KANSL1: variants seen among roughly 807,000 people sequenced by gnomAD.
KANSL1 encodes the protein KAT8 regulatory NSL complex subunit 1, also known as MLL1/MLL complex subunit KANSL1.
Under a neutral mutation model 103.6 loss-of-function variants are expected in KANSL1, and 22 were observed. The ratio of observed to expected loss-of-function variants is 0.21; its 90% CI spans 0.15 to 0.30. The LOEUF (loss-of-function observed/expected upper bound fraction) is 0.30, where lower values mean the gene tolerates loss of function less well. Among genes scored for constraint, KANSL1 ranks in the 10% least tolerant of loss-of-function variants. The pLI is 1.00. For synonymous variants in KANSL1, 600 were observed against 527.6 expected, an observed-to-expected ratio of 1.14 and a Z score of -1.88; for missense variants, 1,337 against 1,399.8, an observed-to-expected ratio of 0.96 and a Z score of 0.72.
Position 46,067,654 on chromosome 17 carries a change from G to C in KANSL1, c.1547C>G (p.Ser516Cys), listed in dbSNP as rs796052584. 3 of 1,543,860 alleles carry C rather than the reference G, an allele frequency of 1.9e-6. No individual in the cohort carries two copies. The highest frequency in any genetic ancestry group is 2.2e-5 in the East Asian group (1 of 44,548). Reference sequence around the variant, plus strand: ...GGCACCATGGTTTTCCAATGGCTGAGAAACAGACTCAATCTGATTAAGAAA... The same window carrying C: ...GGCACCATGGTTTTCCAATGGCTGACAAACAGACTCAATCTGATTAAGAAA... ...HGTDKLIESV[S>C]QPLENHGAPI... The change falls in exon 5 of 15, where the codon TCT becomes TGT. Residue 516 changes from serine (S) to cysteine (C), a missense_variant. Physicochemically the swap from Ser to Cys is moderately radical, Grantham distance 112. Coordinates refer to ENST00000432791, the MANE Select transcript of KANSL1 (RefSeq NM_015443.4).
At chr17:46,210,495 A>AG (rs1241110555) in intron 1 of KANSL1, among the ~76,000 whole-genome samples, 15 of 68,432 alleles carry the variant, frequency 2.2e-4, no homozygotes, top group Non-Finnish European at 2.8e-4. Flanking sequence ...AAAAAAAAAA[A>AG]AAAAAAAGAC....
At chr17:46,094,403 G>A (rs1416080909) in intron 3 of KANSL1, 157 bp downstream of exon 3, 1 of 914,582 alleles carries the variant, frequency 1.1e-6, no homozygotes, top group Non-Finnish European at 1.6e-6. Context: ...AGCCACATCA[G>A]GTTCTTAAAT....
At chr17:46,140,826 T>C (rs2044382240) in intron 2 of KANSL1, among the ~76,000 whole-genome samples, 1 of 152,172 alleles carries the variant, frequency 6.6e-6, no homozygotes, top group Non-Finnish European at 1.5e-5. Context: ...CACAATGAGA[T>C]ACCACTTCAC....
chr17:46,208,922 G>A (rs1343625391), intron 1 of KANSL1, among the ~76,000 whole-genome samples: 1 of 151,916 alleles, frequency 6.6e-6, no homozygotes, highest in African/African-American at 2.4e-5. Context: ...TGTAATCCCA[G>A]CACTTTGGGA....
intron 2 of KANSL1, among the ~76,000 whole-genome samples, chr17:46,115,558 T>TA (rs1170723351): frequency 4.6e-5 from 7 of 152,188 alleles, no homozygotes; most frequent in African/African-American, 1.7e-4. Flanking sequence ...TAACTTTAGA[T>TA]ATGTATTACA....
chr17:46,068,867 A>G (rs112606247), intron 4 of KANSL1, among the ~76,000 whole-genome samples: 116 of 152,326 alleles, frequency 7.6e-4, no homozygotes, highest in African/African-American at 2.7e-3. Flanking sequence ...CAACAGATGC[A>G]GCTATCCCTC....
intron 1 of KANSL1, among the ~76,000 whole-genome samples, chr17:46,182,926 C>G (rs2046856106): frequency 6.6e-6 from 1 of 152,168 alleles, no homozygotes; most frequent in South Asian, 2.1e-4. Context: ...TCAAAGAACA[C>G]CAACTACCTA....
At chr17:46,055,084 C>G (rs1000052762) in intron 6 of KANSL1, among the ~76,000 whole-genome samples, 1 of 151,768 alleles carries the variant, frequency 6.6e-6, no homozygotes, top group Non-Finnish European at 1.5e-5. Flanking sequence ...CTCCTGACCT[C>G]GTGATCCGCC....
chr17:46,095,206 A>AT (rs2042010088), intron 2 of KANSL1, among the ~76,000 whole-genome samples: 1 of 152,274 alleles, frequency 6.6e-6, no homozygotes. Flanking sequence ...GCCTGAAAGC[A>AT]TGAAGATCTA....
At chr17:46,062,637 C>A in intron 6 of KANSL1, among the ~76,000 whole-genome samples, 1 of 151,296 alleles carries the variant, frequency 6.6e-6, no homozygotes, top group Non-Finnish European at 1.5e-5. Flanking sequence ...GGATTACAGG[C>A]ATGAGCCACT....
Position 46,141,063 on chromosome 17 carries a change from CTGTT to C in KANSL1, c.1289+29788_1289+29791del, listed in dbSNP as rs534397556. Among the ~76,000 whole-genome samples the C allele has an allele frequency of 2.4e-3, 361 of 151,320 alleles. 3 individuals carry two copies. The highest frequency in any genetic ancestry group is 0.014 in the Middle Eastern group (4 of 292). On this transcript the variant is annotated intron_variant, in intron 2 of 14. Transcript: ENST00000432791. The stretch of plus-strand genomic sequence containing the variant: ...AGCATTCCCAGAACAGTGATTGATC[CTGTT>C]TGTTTAAAAAAAAAAAAAGACAATG...
intron 1 of KANSL1, among the ~76,000 whole-genome samples, chr17:46,217,057 G>C (rs2048361482): frequency 6.7e-6 from 1 of 148,208 alleles, no homozygotes; most frequent in Non-Finnish European, 1.5e-5. Context: ...GGAGGTTGCA[G>C]TGATCCAAGT....
chr17:46,182,419 T>C (rs539662437), intron 1 of KANSL1, among the ~76,000 whole-genome samples: 1 of 152,262 alleles, frequency 6.6e-6, no homozygotes, highest in South Asian at 2.1e-4. Flanking sequence ...GTATTTATTT[T>C]ACATATGAAC....
At chr17:46,097,634 G>A (rs575978837) in intron 2 of KANSL1, among the ~76,000 whole-genome samples, 28 of 152,176 alleles carry the variant, frequency 1.8e-4, no homozygotes, top group Non-Finnish European at 3.7e-4. Flanking sequence ...GATACATGGT[G>A]TCTACTATAT....
chr17:46,041,211 T>C (rs1406199798), intron 7 of KANSL1: 1 of 152,236 alleles, frequency 6.6e-6, no homozygotes, highest in African/African-American at 2.4e-5. Context: ...CAGTAGGATT[T>C]TCTATAGACA....
intron 2 of KANSL1, among the ~76,000 whole-genome samples, chr17:46,139,638 C>G (rs985146383): frequency 6.6e-6 from 1 of 152,202 alleles, no homozygotes; most frequent in African/African-American, 2.4e-5. Context: ...CTCGGGAAGT[C>G]AATCATTATG....
rs1471504716 is a variant in KANSL1 at position 46,171,410 on chromosome 17, C to T, written c.734G>A (p.Ser245Asn). 6.2e-7 allele frequency: 1 copy of T among 1,614,038 alleles called. No individual in the cohort carries two copies. The highest frequency in any genetic ancestry group is 8.5e-7 in the Non-Finnish European group (1 of 1,179,974). The change falls in exon 2 of 15, where the codon AGC becomes AAC. Residue 245 changes from serine to asparagine, a missense_variant. Ser to Asn is a conservative substitution (Grantham distance 46). Transcript: ENST00000432791. ...NSMEQPALQG[S>N]SRLSPGTDSS... ...GTCTGTACCAGGTGATAATCTACTG[C>T]TTCCTTGAAGTGCCGGCTGTTCCAT...
In KANSL1 at chr17:46,140,696, T is replaced by TA. The variant is rs752703760; in HGVS notation, c.1289+30158dup. 7.2e-4 allele frequency among the ~76,000 whole-genome samples: 109 copies of TA among 152,300 alleles called. 1 individual carries two copies. The highest frequency in any genetic ancestry group is 6.9e-4 in the Non-Finnish European group (47 of 68,028). ...ACAAAAAACACAATTCAACAATTTT[T>TA]AAAAACCAAATAACTTTAGAAATGA... is the stretch of plus-strand genomic sequence containing the variant. On this transcript the variant is annotated intron_variant, in intron 2 of 14. Coordinates refer to ENST00000432791, the MANE Select transcript of KANSL1 (RefSeq NM_015443.4).
intron 1 of KANSL1, among the ~76,000 whole-genome samples, chr17:46,185,567 T>C (rs1351623335): frequency 6.6e-6 from 1 of 151,918 alleles, no homozygotes; most frequent in Admixed American, 6.6e-5. Flanking sequence ...CAAAGATGTA[T>C]ACACAATGCT....
Sources: allele counts gnomAD v4.1 joint callset (sites outside exome capture counted in the v4.1 genomes callset), GRCh38; gene constraint gnomAD v4.1.1; transcripts MANE v1.5; gene names NCBI Gene and HGNC (gene_info 2026-07-23, HGNC 2026-07-21).